Variants in MSR1 observed in about 807,000 individuals in gnomAD.
MSR1 encodes the protein macrophage scavenger receptor 1.
MSR1 carries 53 observed loss-of-function variants against 47.2 expected under a neutral mutation model. That is an observed-to-expected ratio of 1.12 (90% CI 0.90 to 1.41). The LOEUF (loss-of-function observed/expected upper bound fraction) is 1.41, where lower values mean the gene tolerates loss of function less well. Among genes scored for constraint, MSR1 ranks in the 40% most tolerant of loss-of-function variants. The pLI, the probability that MSR1 is intolerant of heterozygous loss-of-function variation, is 0.00. For missense variants in MSR1, 786 were observed against 546.9 expected, an observed-to-expected ratio of 1.44 and a Z score of -4.36; for synonymous variants, 239 against 185.6, an observed-to-expected ratio of 1.29 and a Z score of -2.34.
At chr8:16,147,997 A>G (rs1800746839) in intron 7 of MSR1, among the ~76,000 whole-genome samples, 1 of 152,154 alleles carries the variant, frequency 6.6e-6, no homozygotes. Context: ...GAGTCCTGTA[A>G]GCTGTTTTAA....
intron 1 of MSR1, among the ~76,000 whole-genome samples, chr8:16,191,792 A>T (rs1385898524): frequency 3.3e-5 from 5 of 152,192 alleles, no homozygotes; most frequent in Admixed American, 3.3e-4. Context: ...TTACCTGGTC[A>T]GTGCAAATGC....
chr8:16,112,147 G>A (rs351544), intron 9 of MSR1, among the ~76,000 whole-genome samples: 5,540 of 152,162 alleles, frequency 0.036, 331 homozygotes, highest in African/African-American at 0.12. Context: ...GAGGACACAT[G>A]GATGTGACAA....
In MSR1 at chr8:16,177,944, A is replaced by G. The variant is rs957926166; in HGVS notation, c.45T>C (p.Asp15=). 3.1e-6 allele frequency: 5 copies of G among 1,613,952 alleles called. No individual in the cohort carries two copies. Among genetic ancestry groups the G allele is most frequent in the African/African-American group, 1.3e-5 (1 of 75,034 alleles). Residue 15 remains aspartate, a synonymous_variant, in exon 2 of 10, where the codon GAT becomes GAC. Coordinates refer to ENST00000262101, the MANE Select transcript of MSR1 (RefSeq NM_138715.3). ...CAAATTTCACAGATTCGGAGCAGCT[A>G]TCAGTGTCCTCCTGTTGATTGTGAA... ...DHFHNQQEDT[D]SCSESVKFDA...
intron 1 of MSR1, among the ~76,000 whole-genome samples, chr8:16,178,537 T>C (rs747291791): frequency 4.6e-5 from 7 of 152,124 alleles, no homozygotes; most frequent in South Asian, 4.1e-4. Context: ...GTCTTTGCTA[T>C]TGTGAATAGT....
chr8:16,132,453 CTCTT>C (rs913963295), intron 8 of MSR1, among the ~76,000 whole-genome samples: 15 of 151,634 alleles, frequency 9.9e-5, no homozygotes, highest in Admixed American at 4.6e-4. Context: ...TTGACTTTTT[CTCTT>C]TCTATTTTGA....
At chr8:16,150,548 A>T (rs907793693) in intron 6 of MSR1, among the ~76,000 whole-genome samples, 1 of 152,116 alleles carries the variant, frequency 6.6e-6, no homozygotes. Flanking sequence ...TTGTTGGTAG[A>T]AATAAAAGCA....
At chr8:16,147,749 T>C (rs139623560) in intron 7 of MSR1, among the ~76,000 whole-genome samples, 1 of 152,248 alleles carries the variant, frequency 6.6e-6, no homozygotes, top group African/African-American at 2.4e-5. Flanking sequence ...CTGACATCTC[T>C]ACCAGATTGG....
chr8:16,187,500 C>A (rs928203478), intron 1 of MSR1, among the ~76,000 whole-genome samples: 1 of 151,664 alleles, frequency 6.6e-6, no homozygotes, highest in Non-Finnish European at 1.5e-5. Flanking sequence ...CATTTTCTTT[C>A]CCCCAAAAAC....
chr8:16,139,925 A>G (rs1800507551), intron 8 of MSR1: 1 of 391,682 alleles, frequency 2.6e-6, no homozygotes, highest in African/African-American at 2.3e-5. Context: ...CTGCATACCT[A>G]TCCAGCCCTG....
rs1800460043 is a variant in MSR1, at chr8:16,139,007, T to C, written c.1033+4551A>G. 1.3e-5 allele frequency among the ~76,000 whole-genome samples: 2 copies of C among 152,190 alleles called. 1 individual carries two copies. Among genetic ancestry groups the C allele is most frequent in the Non-Finnish European group, 2.9e-5 (2 of 68,022 alleles). ...TGTTTTATTAGCCTGACATTTTGTT[T>C]TGACCTCTGTTGACACCTTCTGCCC... On this transcript the variant is annotated intron_variant, in intron 8 of 9. Transcript: ENST00000262101.
At chr8:16,167,293 C>A (rs558624752) in intron 4 of MSR1, among the ~76,000 whole-genome samples, 1 of 152,144 alleles carries the variant, frequency 6.6e-6, no homozygotes, top group Non-Finnish European at 1.5e-5. Context: ...CCTGTAATCC[C>A]AGCACCTTGG....
At chr8:16,153,364 T>A (rs1800913922) in intron 6 of MSR1, among the ~76,000 whole-genome samples, 1 of 152,024 alleles carries the variant, frequency 6.6e-6, no homozygotes, top group African/African-American at 2.4e-5. Context: ...GTATTTTGAA[T>A]ACTTTTCTTG....
At chr8:16,170,772 T>A (rs1801462207) in intron 3 of MSR1, among the ~76,000 whole-genome samples, 1 of 152,170 alleles carries the variant, frequency 6.6e-6, no homozygotes, top group Non-Finnish European at 1.5e-5. Flanking sequence ...GATTCTAGAA[T>A]CTTCCTACAC....
intron 1 of MSR1, among the ~76,000 whole-genome samples, chr8:16,186,725 G>A (rs1802010821): frequency 2.6e-5 from 4 of 151,376 alleles, no homozygotes; most frequent in Admixed American, 1.3e-4. Flanking sequence ...TTGACCTCCT[G>A]GGTTCAAGTG....
chr8:16,125,284 C>T (rs1800104065), intron 8 of MSR1, among the ~76,000 whole-genome samples: 1 of 152,152 alleles, frequency 6.6e-6, no homozygotes. Context: ...GCCACTTTCT[C>T]CCCTTGGGAA....
intron 8 of MSR1, chr8:16,140,661 G>A: frequency 8.1e-7 from 1 of 1,232,792 alleles, no homozygotes; most frequent in South Asian, 2.5e-5. Flanking sequence ...AATTAAATTG[G>A]GTTCAAGACT....
At chr8:16,174,605 G>A (rs761428336) in intron 3 of MSR1, among the ~76,000 whole-genome samples, 10 of 152,000 alleles carry the variant, frequency 6.6e-5, no homozygotes, top group Admixed American at 2.6e-4. Flanking sequence ...GATACTATCA[G>A]GTTATTTTTA....
intron 4 of MSR1, among the ~76,000 whole-genome samples, chr8:16,164,754 G>A (rs961375802): frequency 1.4e-4 from 21 of 151,806 alleles, no homozygotes; most frequent in African/African-American, 4.8e-4. Flanking sequence ...CCTCGAACTC[G>A]CATATTAACA....
chr8:16,122,843 C>CTTTTTTTTTTTTTTTTTTTTTTTT, intron 8 of MSR1, among the ~76,000 whole-genome samples: 1 of 65,598 alleles, frequency 1.5e-5, no homozygotes. Context: ...TATTCAAATT[C>CTTTTTTTTTTTTTTTTTTTTTTTT]TTTTTTTTTT....
Sources: gnomAD v4.1 joint callset for allele counts (sites outside exome capture counted in the v4.1 genomes callset) on GRCh38, gnomAD v4.1.1 for gene constraint, MANE v1.5 for transcripts, NCBI Gene and HGNC (gene_info 2026-07-23, HGNC 2026-07-21) for gene names.